The following TBC1D22A variants were observed in gnomAD, a reference collection of about 807,000 sequenced individuals.
TBC1D22A encodes TBC1 domain family member 22A, also known as putative GTPase activator.
A neutral mutation model predicts 60.2 loss-of-function variants in TBC1D22A; 38 were observed. That is an observed-to-expected ratio of 0.63 (90% CI 0.49 to 0.83). The LOEUF (loss-of-function observed/expected upper bound fraction) is 0.83. Ranked by LOEUF, TBC1D22A falls within the 40% of genes least tolerant of loss-of-function variation. The probability of loss-of-function intolerance (pLI) is 0.00; values close to 1 mark genes in which losing one functional copy is unlikely to be tolerated. For synonymous variants in TBC1D22A, 302 were observed against 281.7 expected, an observed-to-expected ratio of 1.07 and a Z score of -0.72; for missense variants, 628 against 701.0, an observed-to-expected ratio of 0.90 and a Z score of 1.18.
At chr22:46,885,004 G>T (rs540230064) in intron 5 of TBC1D22A, among the ~76,000 whole-genome samples, 1 of 152,200 alleles carries the variant, frequency 6.6e-6, no homozygotes, top group Non-Finnish European at 1.5e-5. Context: ...AATTGGAAGT[G>T]TTTTCGGGCT....
chr22:46,920,798 G>A (rs1179999294), intron 8 of TBC1D22A, among the ~76,000 whole-genome samples: 2 of 149,896 alleles, frequency 1.3e-5, no homozygotes, highest in Non-Finnish European at 3.0e-5. Flanking sequence ...TTTTTGAGAT[G>A]GTGTCTCTGT....
intron 1 of TBC1D22A, among the ~76,000 whole-genome samples, chr22:46,774,813 T>C (rs2083633168): frequency 6.6e-6 from 1 of 152,204 alleles, no homozygotes; most frequent in Non-Finnish European, 1.5e-5. Context: ...TTGCTCATGC[T>C]TGGGTTCATT....
At chr22:47,095,643 A>G (rs1335395917) in intron 11 of TBC1D22A, among the ~76,000 whole-genome samples, 1 of 152,246 alleles carries the variant, frequency 6.6e-6, no homozygotes, top group Non-Finnish European at 1.5e-5. Flanking sequence ...CTGGGAACTG[A>G]AGGAGAGGAG....
intron 8 of TBC1D22A, among the ~76,000 whole-genome samples, chr22:46,946,167 C>A (rs1030651479): frequency 6.6e-6 from 1 of 152,182 alleles, no homozygotes; most frequent in Non-Finnish European, 1.5e-5. Flanking sequence ...CTCTTCCGGA[C>A]GGGCCAGCAT....
chr22:47,061,134 T>C (rs2063560730), intron 11 of TBC1D22A, among the ~76,000 whole-genome samples: 1 of 148,900 alleles, frequency 6.7e-6, no homozygotes. Flanking sequence ...CTGGAAAGGT[T>C]GAGCCACGCT....
chr22:46,804,782 A>G (rs182065920), intron 4 of TBC1D22A, among the ~76,000 whole-genome samples: 16 of 152,322 alleles, frequency 1.1e-4, no homozygotes, highest in Non-Finnish European at 2.1e-4. Flanking sequence ...TTTCTGTTGA[A>G]TGGTGATTTT....
At chr22:47,102,719 C>T (rs545343173) in intron 11 of TBC1D22A, among the ~76,000 whole-genome samples, 23 of 152,224 alleles carry the variant, frequency 1.5e-4, no homozygotes, top group African/African-American at 4.3e-4. Flanking sequence ...ATCTTGTGAG[C>T]GGCAGAATTT....
chr22:46,866,401 GA>G (rs1217552290), intron 4 of TBC1D22A, among the ~76,000 whole-genome samples: 1 of 152,054 alleles, frequency 6.6e-6, no homozygotes, highest in Non-Finnish European at 1.5e-5. Context: ...CACCACTCCC[GA>G]CCCCAAAAAT....
At chr22:46,835,305 G>C (rs751146896) in intron 4 of TBC1D22A, among the ~76,000 whole-genome samples, 2 of 152,142 alleles carry the variant, frequency 1.3e-5, no homozygotes, top group Admixed American at 6.5e-5. Context: ...CAAATTTCCT[G>C]ACAAAGAATT....
chr22:47,151,323 G>A (rs146252081), intron 12 of TBC1D22A, among the ~76,000 whole-genome samples: 451 of 152,294 alleles, frequency 3.0e-3, no homozygotes, highest in African/African-American at 0.01. Context: ...ACGCAGAACC[G>A]ACCTTTCCAG....
At chr22:46,792,852 G>C (rs2084478716) in intron 2 of TBC1D22A, 2 of 1,435,454 alleles carry the variant, frequency 1.4e-6, no homozygotes. Flanking sequence ...TTTAGCCATG[G>C]GCAGCCTGGC....
rs377009202 is a variant in TBC1D22A at position 47,175,115 on chromosome 22, A to T, written c.*1489A>T. 1.3e-5 allele frequency: 2 copies of T among 152,270 alleles called. No individual in the cohort carries two copies. Among genetic ancestry groups the T allele is most frequent in the African/African-American group, 4.8e-5 (2 of 41,452 alleles). The allele number at this position is 152,270 out of a possible 1,614,324, so 9.4% of individuals were successfully genotyped here. On this transcript the variant is annotated 3_prime_UTR_variant, in exon 13 of 13. Coordinates refer to ENST00000337137, the MANE Select transcript of TBC1D22A (RefSeq NM_014346.5). Reference sequence around the variant, plus strand: ...ACTGTGGGACATACAGGCATAAGTGATGTGTGTGTTTCTGCTTCTGTTTTA... The same window carrying T: ...ACTGTGGGACATACAGGCATAAGTGTTGTGTGTGTTTCTGCTTCTGTTTTA...
chr22:47,112,229 C>G (rs2147725543), intron 12 of TBC1D22A, among the ~76,000 whole-genome samples: 1 of 152,358 alleles, frequency 6.6e-6, no homozygotes, highest in African/African-American at 2.4e-5. Context: ...ACACTGTGGA[C>G]TGTTGGCCCC....
At chr22:46,769,234 C>T (rs1157737356) in intron 1 of TBC1D22A, among the ~76,000 whole-genome samples, 2 of 152,070 alleles carry the variant, frequency 1.3e-5, no homozygotes, top group African/African-American at 4.8e-5. Context: ...CTTCAGCTTA[C>T]ATTGCCAGAG....
chr22:47,044,770 G>A (rs768286821), intron 11 of TBC1D22A, among the ~76,000 whole-genome samples: 6 of 152,314 alleles, frequency 3.9e-5, no homozygotes, highest in South Asian at 2.1e-4. Context: ...CTATTCCTTC[G>A]GAGTGACAGT....
At chr22:46,909,306 A>ACACACACT (rs1555942235) in intron 7 of TBC1D22A, among the ~76,000 whole-genome samples, 1 of 152,032 alleles carries the variant, frequency 6.6e-6, no homozygotes, top group African/African-American at 2.4e-5. Flanking sequence ...ACACACACAC[A>ACACACACT]CACACACTCA....
At chr22:46,932,444 A>G (rs1391882864) in intron 8 of TBC1D22A, among the ~76,000 whole-genome samples, 4 of 152,196 alleles carry the variant, frequency 2.6e-5, no homozygotes, top group African/African-American at 9.6e-5. Flanking sequence ...TTGCATTTGT[A>G]TCCACGAGTG....
At chr22:46,969,125 C>T (rs2148104333) in intron 8 of TBC1D22A, among the ~76,000 whole-genome samples, 1 of 152,148 alleles carries the variant, frequency 6.6e-6, no homozygotes, top group East Asian at 1.9e-4. Context: ...AAGGGGAGTA[C>T]CACCACCCGT....
chr22:46,849,999 G>A (rs2087196507), intron 4 of TBC1D22A, among the ~76,000 whole-genome samples: 1 of 152,228 alleles, frequency 6.6e-6, no homozygotes, highest in African/African-American at 2.4e-5. Flanking sequence ...GGGAACATTT[G>A]GAGGAAGTTA....
Sources: gnomAD v4.1 joint callset for allele counts (sites outside exome capture counted in the v4.1 genomes callset) on GRCh38, gnomAD v4.1.1 for gene constraint, MANE v1.5 for transcripts, NCBI Gene and HGNC (gene_info 2026-07-23, HGNC 2026-07-21) for gene names.